WRN: variants seen among roughly 807,000 people sequenced by gnomAD.
The protein encoded by WRN is bifunctional 3'-5' exonuclease/ATP-dependent helicase WRN.
In WRN, 149 loss-of-function variants were observed where a neutral mutation model predicts 180.7. The observed-to-expected ratio is 0.82, with a 90% CI of 0.72 to 0.94. WRN has a LOEUF of 0.94. Among genes scored for constraint, WRN ranks in the 40% least tolerant of loss-of-function variants. The probability of loss-of-function intolerance (pLI) is 0.00; values close to 1 mark genes in which losing one functional copy is unlikely to be tolerated. For synonymous variants in WRN, 548 were observed against 568.9 expected, an observed-to-expected ratio of 0.96 and a Z score of 0.52; for missense variants, 1,661 against 1,700.1, an observed-to-expected ratio of 0.98 and a Z score of 0.40.
intron 28 of WRN, among the ~76,000 whole-genome samples, chr8:31,146,756 A>G (rs770553828): frequency 6.6e-6 from 1 of 152,198 alleles, no homozygotes; most frequent in Non-Finnish European, 1.5e-5. Flanking sequence ...ATGAAAGAAT[A>G]TTTTCTTTCA....
chr8:31,128,817 C>G (rs1308236144), intron 23 of WRN, among the ~76,000 whole-genome samples: 1 of 152,106 alleles, frequency 6.6e-6, no homozygotes, highest in Non-Finnish European at 1.5e-5. Flanking sequence ...CGAGATCGCG[C>G]CACTGCACTC....
intron 34 of WRN, chr8:31,171,311 C>A (rs539566716): frequency 6.7e-5 from 10 of 148,168 alleles, no homozygotes; most frequent in African/African-American, 2.5e-4. Flanking sequence ...CCAGAATCTA[C>A]AAGGAACCTA....
chr8:31,039,427 T>C (rs949031942), intron 1 of WRN, among the ~76,000 whole-genome samples: 2 of 152,208 alleles, frequency 1.3e-5, no homozygotes, highest in African/African-American at 4.8e-5. Flanking sequence ...CTCTGAAACT[T>C]TGTTGAATTT....
intron 34 of WRN, among the ~76,000 whole-genome samples, chr8:31,170,695 T>G (rs1804067987): frequency 6.6e-6 from 1 of 152,198 alleles, no homozygotes; most frequent in Non-Finnish European, 1.5e-5. Flanking sequence ...AAGAGCCCCT[T>G]AAAATTTTGT....
At chr8:31,083,614 T>C (rs1232440150) in intron 9 of WRN, 85 bp from the exon 10 acceptor site, 11 of 966,078 alleles carry the variant, frequency 1.1e-5, no homozygotes, top group African/African-American at 4.7e-5. Context: ...TCTAAAGATA[T>C]CTAGTATATA....
At chr8:31,124,083 G>A (rs1179323885) in intron 21 of WRN, among the ~76,000 whole-genome samples, 1 of 152,050 alleles carries the variant, frequency 6.6e-6, no homozygotes, top group South Asian at 2.1e-4. Context: ...GCTTCTTTCA[G>A]TGTTCCTTAC....
At chr8:31,098,270 T>A (rs2130212960) in intron 17 of WRN, among the ~76,000 whole-genome samples, 1 of 152,350 alleles carries the variant, frequency 6.6e-6, no homozygotes, top group African/African-American at 2.4e-5. Flanking sequence ...AACTACCCTA[T>A]ATATAAATTT....
At chr8:31,045,787 T>A (rs1001202650) in intron 1 of WRN, among the ~76,000 whole-genome samples, 1 of 152,110 alleles carries the variant, frequency 6.6e-6, no homozygotes, top group Non-Finnish European at 1.5e-5. Flanking sequence ...TCAAAAAAAA[T>A]TTGCTGCTCT....
At chr8:31,133,538 AAAG>A (rs1158981441) in intron 24 of WRN, among the ~76,000 whole-genome samples, 3 of 152,156 alleles carry the variant, frequency 2.0e-5, no homozygotes, top group Admixed American at 6.5e-5. Context: ...AAAAAAAAAA[AAAG>A]AAACATATTT....
chr8:31,070,576 T>C (rs763258293), intron 7 of WRN, among the ~76,000 whole-genome samples: 1 of 151,842 alleles, frequency 6.6e-6, no homozygotes, highest in Non-Finnish European at 1.5e-5. Flanking sequence ...TACAGTTTTA[T>C]TGGGGATATA....
intron 19 of WRN, among the ~76,000 whole-genome samples, chr8:31,113,022 A>G (rs1013871051): frequency 6.6e-6 from 1 of 151,912 alleles, no homozygotes; most frequent in Non-Finnish European, 1.5e-5. Context: ...CCTGGGCAAC[A>G]TGGTGAATCC....
At chr8:31,139,559 G>C (rs1802525594) in intron 24 of WRN, among the ~76,000 whole-genome samples, 2 of 152,130 alleles carry the variant, frequency 1.3e-5, no homozygotes, top group African/African-American at 2.4e-5. Flanking sequence ...CCTAACCCCA[G>C]ACTACATTGA....
At chr8:31,068,595 A>G (rs1351198562) in intron 7 of WRN, among the ~76,000 whole-genome samples, 1 of 152,174 alleles carries the variant, frequency 6.6e-6, no homozygotes, top group Non-Finnish European at 1.5e-5. Flanking sequence ...TTCTTATTGC[A>G]GTGACACAAC....
At chr8:31,040,821 GT>G (rs200831998) in intron 1 of WRN, among the ~76,000 whole-genome samples, 1 of 151,568 alleles carries the variant, frequency 6.6e-6, no homozygotes, top group Non-Finnish European at 1.5e-5. Flanking sequence ...CAAAAGTTGA[GT>G]TTTTTTTTCT....
intron 19 of WRN, among the ~76,000 whole-genome samples, chr8:31,112,879 C>T (rs1049844509): frequency 6.6e-6 from 1 of 152,096 alleles, no homozygotes; most frequent in East Asian, 1.9e-4. Flanking sequence ...TTGGCCACTG[C>T]GCCTGGCCAG....
At chr8:31,069,227 A>G (rs564646813) in intron 7 of WRN, among the ~76,000 whole-genome samples, 2 of 152,380 alleles carry the variant, frequency 1.3e-5, no homozygotes, top group African/African-American at 4.8e-5. Context: ...TGCCTCATAT[A>G]AAATGATATG....
chr8:31,097,363 C>G (rs765936519), intron 17 of WRN, among the ~76,000 whole-genome samples: 2 of 152,086 alleles, frequency 1.3e-5, no homozygotes, highest in Non-Finnish European at 2.9e-5. Flanking sequence ...TCTGATTTAA[C>G]AGGCCTGGGT....
chr8:31,113,542 G>C (rs184548652), intron 19 of WRN, among the ~76,000 whole-genome samples: 1 of 152,224 alleles, frequency 6.6e-6, no homozygotes, highest in East Asian at 1.9e-4. Flanking sequence ...TCCTAGGTTA[G>C]AGTCTCCACA....
chr8:31,060,295 A>G (rs547654045), intron 3 of WRN, among the ~76,000 whole-genome samples: 47 of 152,302 alleles, frequency 3.1e-4, no homozygotes, highest in African/African-American at 9.9e-4. Flanking sequence ...TGCTGGGCAC[A>G]GTGGCTCATG....
Sources: gnomAD v4.1 joint callset for allele counts (sites outside exome capture counted in the v4.1 genomes callset) on GRCh38, gnomAD v4.1.1 for gene constraint, MANE v1.5 for transcripts, NCBI Gene and HGNC (gene_info 2026-07-23, HGNC 2026-07-21) for gene names.